Variants in AFF1 observed in about 807,000 individuals in gnomAD.
The protein encoded by AFF1 is ALF transcription elongation factor 1.
Under a neutral mutation model 121.7 loss-of-function variants are expected in AFF1, and 48 were observed. The ratio of observed to expected loss-of-function variants is 0.39; its 90% CI spans 0.31 to 0.50. The LOEUF is 0.50. Ranked by LOEUF, AFF1 falls within the 20% of genes least tolerant of loss-of-function variation. AFF1 has a pLI of 0.76. For missense variants in AFF1, 1,523 were observed against 1,511.7 expected, an observed-to-expected ratio of 1.01 and a Z score of -0.12; for synonymous variants, 613 against 563.0, an observed-to-expected ratio of 1.09 and a Z score of -1.26.
chr4:86,949,939 C>T (rs1578831083), intron 2 of AFF1: 1 of 1,614,166 alleles, frequency 6.2e-7, no homozygotes, highest in East Asian at 2.2e-5. Flanking sequence ...CAGCGGGCCG[C>T]AGGTCCCGCA....
chr4:86,986,696 C>T (rs1724307025), intron 2 of AFF1, among the ~76,000 whole-genome samples: 1 of 151,990 alleles, frequency 6.6e-6, no homozygotes, highest in Non-Finnish European at 1.5e-5. Flanking sequence ...TAAAAGGATC[C>T]TGTTTGGCTC....
chr4:87,108,200 C>T lies in AFF1; in HGVS notation c.1418C>T (p.Ser473Phe). The change falls in exon 11 of 21, where the codon TCC becomes TTC. Residue 473 changes from serine to phenylalanine, a missense_variant. Coordinates refer to ENST00000395146, the MANE Select transcript of AFF1 (RefSeq NM_001166693.3). Reference protein sequence around the residue: ...SLPEPVASAHSSSAESESTSD... With the variant: ...SLPEPVASAHFSSAESESTSD... The stretch of plus-strand genomic sequence containing the variant: ...CCAGAACCAGTGGCATCAGCACATT[C>T]CAGCAGTGCAGAGTCAGAAAGCACC... 2 of 1,614,118 alleles carry T rather than the reference C, an allele frequency of 1.2e-6. No homozygotes were observed. The highest frequency in any genetic ancestry group is 1.7e-6 in the Non-Finnish European group (2 of 1,179,994).
chr4:87,030,432 T>A (rs1263088166), intron 2 of AFF1, among the ~76,000 whole-genome samples: 1 of 152,260 alleles, frequency 6.6e-6, no homozygotes, highest in Non-Finnish European at 1.5e-5. Flanking sequence ...CTTTTATTTC[T>A]TGCTAACTTT....
chr4:87,077,577 C>T (rs1722797296), intron 4 of AFF1, among the ~76,000 whole-genome samples: 1 of 152,024 alleles, frequency 6.6e-6, no homozygotes, highest in Non-Finnish European at 1.5e-5. Context: ...ATTCCTTCCC[C>T]CAGCCTCCAT....
At chr4:87,003,718 A>G (rs1448556142) in intron 2 of AFF1, among the ~76,000 whole-genome samples, 1 of 152,248 alleles carries the variant, frequency 6.6e-6, no homozygotes, top group Non-Finnish European at 1.5e-5. Context: ...TAATTTGTTT[A>G]TAGCATAAAT....
At chr4:86,963,936 C>T (rs1225598195) in intron 2 of AFF1, among the ~76,000 whole-genome samples, 1 of 146,734 alleles carries the variant, frequency 6.8e-6, no homozygotes. Context: ...GCTATGATTA[C>T]AGGTGTGAGT....
chr4:86,970,534 T>C (rs1722870121), intron 2 of AFF1, among the ~76,000 whole-genome samples: 1 of 152,204 alleles, frequency 6.6e-6, no homozygotes, highest in Non-Finnish European at 1.5e-5. Context: ...GAGGATGCAG[T>C]AGCAAAACAA....
rs757436418 is a variant in AFF1 at position 87,047,307 on chromosome 4, G to A, written c.772G>A (p.Val258Met). The A allele has an allele frequency of 1.2e-6, 2 of 1,614,218 alleles. No individual in the cohort carries two copies. The highest frequency in any genetic ancestry group is 1.1e-5 in the South Asian group (1 of 91,080). Residue 258 changes from valine to methionine, a missense_variant, in exon 4 of 21, where the codon GTG becomes ATG. Around this residue, in one of 5 missense-constraint regions of AFF1, gnomAD observed 369 missense variants for 367.2 expected, o/e 1.00. Transcript: ENST00000395146. ...CPAKSPKDLA[V>M]KVHDKETPQD... ...AGCCAAATCTCCCAAGGACCTAGCAGTGAAAGTCCATGATAAAGAGACCCC... is the reference window on the plus strand; with the variant it reads ...AGCCAAATCTCCCAAGGACCTAGCAATGAAAGTCCATGATAAAGAGACCCC...
At chr4:87,024,001 A>G (rs1652681315) in intron 2 of AFF1, among the ~76,000 whole-genome samples, 1 of 152,138 alleles carries the variant, frequency 6.6e-6, no homozygotes, top group African/African-American at 2.4e-5. Context: ...ATCTATGGTA[A>G]TAGCAGTCTT....
chr4:87,120,901 C>T (rs1000816209), intron 12 of AFF1, among the ~76,000 whole-genome samples: 7 of 152,166 alleles, frequency 4.6e-5, no homozygotes, highest in Non-Finnish European at 7.3e-5. Context: ...GCTGGCTGCA[C>T]GGCAGCGCAG....
chr4:87,043,499 C>T (rs1181141055), intron 2 of AFF1, among the ~76,000 whole-genome samples: 1 of 152,136 alleles, frequency 6.6e-6, no homozygotes, highest in African/African-American at 2.4e-5. Context: ...TGGTTATATG[C>T]TAATGGCATA....
chr4:87,002,433 T>TG (rs1478618031), intron 2 of AFF1, among the ~76,000 whole-genome samples: 4 of 143,490 alleles, frequency 2.8e-5, no homozygotes, highest in African/African-American at 1.0e-4. Flanking sequence ...AAGTTTTTTT[T>TG]TTTTTTTTTT....
intron 12 of AFF1, among the ~76,000 whole-genome samples, chr4:87,118,375 A>G (rs1368681293): frequency 6.6e-6 from 1 of 152,238 alleles, no homozygotes; most frequent in African/African-American, 2.4e-5. Flanking sequence ...GAAAACTGTG[A>G]GGGTAAATAC....
intron 2 of AFF1, among the ~76,000 whole-genome samples, chr4:86,974,339 G>A (rs1281477821): frequency 6.6e-6 from 1 of 151,992 alleles, no homozygotes; most frequent in South Asian, 2.1e-4. Flanking sequence ...TAGTAGAGAC[G>A]GGGTTTTACC....
intron 2 of AFF1, chr4:86,950,216 T>C: frequency 4.4e-6 from 5 of 1,138,668 alleles, no homozygotes; most frequent in Non-Finnish European, 6.6e-6. Context: ...TTCGCTATTG[T>C]TGCCCCGGCT....
chr4:87,071,853 T>C (rs945700241), intron 4 of AFF1, among the ~76,000 whole-genome samples: 2 of 152,128 alleles, frequency 1.3e-5, no homozygotes, highest in Non-Finnish European at 2.9e-5. Context: ...GGAAAGATAG[T>C]GAATGCAAGA....
At chr4:86,944,578 T>C (rs893577962) in intron 1 of AFF1, among the ~76,000 whole-genome samples, 2 of 152,146 alleles carry the variant, frequency 1.3e-5, no homozygotes, top group African/African-American at 4.8e-5. Flanking sequence ...TTTCCTGACC[T>C]CGTGATTTGC....
At chr4:87,104,508 T>G (rs1392115696) in intron 8 of AFF1, among the ~76,000 whole-genome samples, 1 of 152,250 alleles carries the variant, frequency 6.6e-6, no homozygotes, top group Non-Finnish European at 1.5e-5. Flanking sequence ...ATGTTTTTAG[T>G]ACATTTATGA....
chr4:87,022,722 A>G (rs1351698994), intron 2 of AFF1, among the ~76,000 whole-genome samples: 1 of 146,304 alleles, frequency 6.8e-6, no homozygotes, highest in African/African-American at 2.6e-5. Context: ...CTGTGTGTAT[A>G]TATGTATATA....
Sources: allele counts gnomAD v4.1 joint callset (sites outside exome capture counted in the v4.1 genomes callset), GRCh38; gene constraint gnomAD v4.1.1; regional missense constraint gnomAD v4.1.1; transcripts MANE v1.5; gene names NCBI Gene and HGNC (gene_info 2026-07-23, HGNC 2026-07-21).